CRACD: variants seen among roughly 807,000 people sequenced by gnomAD.
CRACD encodes the protein capping protein inhibiting regulator of actin dynamics.
CRACD carries 56 observed loss-of-function variants against 106.8 expected under a neutral mutation model. The observed-to-expected ratio is 0.52, with a 90% confidence interval of 0.42 to 0.66. The LOEUF is 0.66. Among genes scored for constraint, CRACD ranks in the 30% least tolerant of loss-of-function variants. The pLI is 0.00. For missense variants in CRACD, 1,730 were observed against 1,623.2 expected (o/e 1.07, Z -1.13); for synonymous variants, 754 against 670.8 (o/e 1.12, Z -1.92).
chr4:56,282,061 A>G (rs567050), intron 3 of CRACD, among the ~76,000 whole-genome samples: 70,047 of 152,006 alleles, frequency 0.46, 16,901 homozygotes, highest in African/African-American at 0.61. Flanking sequence ...TCTTCCAGCA[A>G]CTCTAGTTTG....
intron 2 of CRACD, among the ~76,000 whole-genome samples, chr4:56,265,198 C>T (rs1367255676): frequency 2.6e-5 from 4 of 152,200 alleles, no homozygotes; most frequent in African/African-American, 4.8e-5. Context: ...TTAGCAGTTT[C>T]TTCTCAGAAA....
chr4:56,200,138 C>T (rs1182462009), intron 2 of CRACD, among the ~76,000 whole-genome samples: 1 of 151,112 alleles, frequency 6.6e-6, no homozygotes, highest in Non-Finnish European at 1.5e-5. Flanking sequence ...TGTAAGTTCT[C>T]CCTTTCTTTG....
At chr4:56,290,790 T>C (rs1743661584) in intron 3 of CRACD, among the ~76,000 whole-genome samples, 1 of 152,192 alleles carries the variant, frequency 6.6e-6, no homozygotes, top group Non-Finnish European at 1.5e-5. Flanking sequence ...CCCAGGAACT[T>C]CTGCTCTTGG....
intron 3 of CRACD, among the ~76,000 whole-genome samples, chr4:56,287,262 C>G (rs1327213237): frequency 6.8e-6 from 1 of 146,650 alleles, no homozygotes; most frequent in African/African-American, 2.4e-5. Flanking sequence ...GTAGCAGGGA[C>G]TGCAAATGTG....
intron 2 of CRACD, among the ~76,000 whole-genome samples, chr4:56,224,142 T>C (rs1013048027): frequency 2.0e-5 from 3 of 148,014 alleles, no homozygotes; most frequent in Non-Finnish European, 3.0e-5. Flanking sequence ...CAGAGTTTTC[T>C]TCGCTATTTT....
intron 1 of CRACD, among the ~76,000 whole-genome samples, chr4:56,086,694 G>A (rs1467147163): frequency 2.6e-5 from 4 of 151,976 alleles, no homozygotes; most frequent in East Asian, 1.9e-4. Context: ...GTCCAGGTGC[G>A]TCACTTTCCC....
intron 2 of CRACD, among the ~76,000 whole-genome samples, chr4:56,265,404 G>A (rs1016177015): frequency 1.1e-4 from 1 of 9,088 alleles, no homozygotes; most frequent in Non-Finnish European, 2.0e-4. Context: ...TAGAGGAGGG[G>A]TGTGTGTGTG....
chr4:56,243,198 T>C (rs565143623), intron 2 of CRACD, among the ~76,000 whole-genome samples: 1 of 152,310 alleles, frequency 6.6e-6, no homozygotes, highest in East Asian at 1.9e-4. Context: ...TTCATTCTCT[T>C]AAAAGAAATC....
At chr4:56,297,971 T>G (rs969276822) in intron 3 of CRACD, 4 of 356,230 alleles carry the variant, frequency 1.1e-5, no homozygotes, top group African/African-American at 8.1e-5. Context: ...CCTATACAAA[T>G]AAGTAACTGT....
rs147504617 is a variant in CRACD, at chr4:56,080,654, T to C, written c.-336+31355T>C. On this transcript the variant is annotated intron_variant, in intron 1 of 10. Coordinates refer to ENST00000682029, the MANE Select transcript of CRACD (RefSeq NM_001393381.1). ...TGGAACCTACTTTGAACTTGAGTAT[T>C]GTATGTGCTGTGGTAAATGGTGATA... 1.5e-3 allele frequency among the ~76,000 whole-genome samples: 234 copies of C among 152,344 alleles called. 1 individual carries two copies. Among genetic ancestry groups the C allele is most frequent in the African/African-American group, 5.4e-3 (224 of 41,580 alleles).
chr4:56,221,793 A>T (rs1003053346), intron 2 of CRACD, among the ~76,000 whole-genome samples: 4 of 152,224 alleles, frequency 2.6e-5, no homozygotes, highest in African/African-American at 9.6e-5. Flanking sequence ...AAGGCCCACT[A>T]TTACTAATTA....
chr4:56,257,644 G>A (rs1403580782), intron 2 of CRACD, among the ~76,000 whole-genome samples: 2 of 152,094 alleles, frequency 1.3e-5, no homozygotes, highest in African/African-American at 4.8e-5. Flanking sequence ...GCAGTAAGCT[G>A]TGATTGTGCT....
At chr4:56,191,401 C>T (rs994714330) in intron 2 of CRACD, among the ~76,000 whole-genome samples, 1 of 151,974 alleles carries the variant, frequency 6.6e-6, no homozygotes, top group African/African-American at 2.4e-5. Context: ...TCCTCCCTCC[C>T]TCCCTCTGTT....
chr4:56,107,115 G>T lies in CRACD; in HGVS notation c.-336+57816G>T, dbSNP rs980134520. Among the ~76,000 whole-genome samples the T allele has an allele frequency of 1.6e-4, 24 of 152,164 alleles. 1 individual carries two copies. The highest frequency in any genetic ancestry group is 1.1e-3 in the Admixed American group (17 of 15,286). On this transcript the variant is annotated intron_variant, in intron 1 of 10. Transcript: ENST00000682029. ...AGCCTACTGAGTAGCTGGGACTACG[G>T]GCATGTGCCACCACATTCAGCTAAT...
At position 56,315,839 on chromosome 4, in the gene CRACD, C is replaced by G; in HGVS notation, c.2337C>G (p.His779Gln). 6.2e-7 allele frequency: 1 copy of G among 1,614,122 alleles called. No individual in the cohort carries two copies. The highest frequency in any genetic ancestry group is 8.5e-7 in the Non-Finnish European group (1 of 1,180,030). Reference protein sequence around the residue: ...LGKGPEKSEMHREPADTTEGC... With the variant: ...LGKGPEKSEMQREPADTTEGC... ...AGGGTCCGGAGAAGTCGGAGATGCA[C>G]CGGGAGCCCGCAGACACCACCGAGG... is the stretch of plus-strand genomic sequence containing the variant. The change falls in exon 8 of 11, where the codon CAC (histidine) becomes CAG (glutamine). Residue 779 changes from histidine (H) to glutamine (Q), a missense_variant. Physicochemically the swap from His to Gln is conservative, Grantham distance 24. Coordinates refer to ENST00000682029, the MANE Select transcript of CRACD (RefSeq NM_001393381.1). This position sits in a 1 kb window ranked among gnomAD's most constrained non-coding sequence, Gnocchi z 4.1.
chr4:56,192,932 A>G (rs1030377111), intron 2 of CRACD, among the ~76,000 whole-genome samples: 3 of 152,206 alleles, frequency 2.0e-5, no homozygotes, highest in South Asian at 2.1e-4. Flanking sequence ...ACACAAGACT[A>G]TGAGTTCCTC....
chr4:56,183,386 C>A (rs567293693), intron 2 of CRACD, among the ~76,000 whole-genome samples: 5 of 152,240 alleles, frequency 3.3e-5, no homozygotes, highest in Non-Finnish European at 7.4e-5. Flanking sequence ...ATTTGTGTTC[C>A]TTGGCCTGCA....
At chr4:56,213,744 C>T (rs767085170) in intron 2 of CRACD, among the ~76,000 whole-genome samples, 2 of 152,186 alleles carry the variant, frequency 1.3e-5, no homozygotes, top group Non-Finnish European at 2.9e-5. Context: ...AATAGTTGGT[C>T]ACCTTTGATT....
At chr4:56,163,185 CTTCGAGACGT>C (rs929890130) in intron 1 of CRACD, among the ~76,000 whole-genome samples, 3 of 152,036 alleles carry the variant, frequency 2.0e-5, no homozygotes, top group African/African-American at 7.2e-5. Context: ...GAGTCTCTGC[CTTCGAGACGT>C]TCCAAGGAGA....
Sources: allele counts gnomAD v4.1 joint callset (sites outside exome capture counted in the v4.1 genomes callset), GRCh38; gene constraint gnomAD v4.1.1; non-coding constraint Gnocchi (gnomAD v3.1); transcripts MANE v1.5; gene names NCBI Gene and HGNC (gene_info 2026-07-23, HGNC 2026-07-21).